Variants in EXOC4 observed in about 807,000 individuals in gnomAD.
The protein encoded by EXOC4 is SEC8-like 1.
EXOC4 carries 71 observed loss-of-function variants against 107.2 expected under a neutral mutation model. The observed-to-expected ratio is 0.66, with a 90% CI of 0.55 to 0.81. EXOC4 has a LOEUF of 0.81. Ranked by LOEUF, EXOC4 falls within the 30% of genes least tolerant of loss-of-function variation. The probability of loss-of-function intolerance (pLI) is 0.00; values close to 1 mark genes in which losing one functional copy is unlikely to be tolerated. For missense variants in EXOC4, 1,108 were observed against 1,189.6 expected (o/e 0.93, Z 1.01); for synonymous variants, 456 against 441.2 (o/e 1.03, Z -0.42).
chr7:134,009,153 C>T lies in EXOC4; in HGVS notation c.2687+1318C>T, dbSNP rs536126609. On this transcript the variant is annotated intron_variant, in intron 17 of 17. Transcript: ENST00000253861. ...CCTGAGTGGATTATTCCGTAAACTC[C>T]CTTATTTTCCAAAGCCTTTATGGCT... is the stretch of plus-strand genomic sequence containing the variant. 2.6e-5 allele frequency among the ~76,000 whole-genome samples: 4 copies of T among 152,174 alleles called. No individual in the cohort carries two copies. The South Asian group carries it at 8.3e-4, about 32-fold the overall frequency.
chr7:133,424,228 T>C (rs1280747022), intron 7 of EXOC4, among the ~76,000 whole-genome samples: 1 of 152,122 alleles, frequency 6.6e-6, no homozygotes, highest in Non-Finnish European at 1.5e-5. Context: ...TGCTCACTCT[T>C]TGGGTGCCTG....
intron 9 of EXOC4, chr7:133,484,076 A>C (rs1799219374): frequency 6.2e-7 from 1 of 1,613,978 alleles, no homozygotes; most frequent in African/African-American, 1.3e-5. Context: ...AGACAATCAA[A>C]GTAACATTAA....
intron 12 of EXOC4, among the ~76,000 whole-genome samples, chr7:133,898,603 C>T (rs1799375817): frequency 6.6e-6 from 1 of 151,700 alleles, no homozygotes; most frequent in African/African-American, 2.4e-5. Flanking sequence ...AAAAATTAGC[C>T]GGGCGTGGTG....
intron 9 of EXOC4, among the ~76,000 whole-genome samples, chr7:133,594,922 A>C (rs1305088427): frequency 6.6e-6 from 1 of 152,232 alleles, no homozygotes; most frequent in African/African-American, 2.4e-5. Context: ...GGGACAGAGT[A>C]ATGATGGTAG....
chr7:133,581,773 A>G (rs1206657856), intron 9 of EXOC4, among the ~76,000 whole-genome samples: 2 of 151,548 alleles, frequency 1.3e-5, no homozygotes, highest in African/African-American at 2.4e-5. Context: ...AAAAAAAAAA[A>G]AAAAAAGAAT....
intron 9 of EXOC4, among the ~76,000 whole-genome samples, chr7:133,576,170 C>A (rs1342297955): frequency 2.0e-5 from 3 of 152,138 alleles, no homozygotes; most frequent in African/African-American, 7.2e-5. Context: ...CCCCCAACCC[C>A]CGTTATGTAT....
chr7:133,996,348 T>C (rs7792010), intron 14 of EXOC4, among the ~76,000 whole-genome samples: 50,484 of 152,026 alleles, frequency 0.33, 8,750 homozygotes, highest in African/African-American at 0.41. Context: ...AGCCAAACTT[T>C]GAGGCTCTAG....
At chr7:133,817,788 C>T (rs879224604) in intron 11 of EXOC4, among the ~76,000 whole-genome samples, 1 of 151,706 alleles carries the variant, frequency 6.6e-6, no homozygotes, top group South Asian at 2.1e-4. Context: ...TGGTGAATCT[C>T]ATTAACATGC....
chr7:133,748,353 C>G (rs1562981294), intron 10 of EXOC4, among the ~76,000 whole-genome samples: 1 of 152,074 alleles, frequency 6.6e-6, no homozygotes, highest in African/African-American at 2.4e-5. Flanking sequence ...CACACTGTAT[C>G]AGTAATCTAG....
At chr7:133,675,710 A>G (rs1295095848) in intron 10 of EXOC4, among the ~76,000 whole-genome samples, 1 of 152,148 alleles carries the variant, frequency 6.6e-6, no homozygotes, top group Non-Finnish European at 1.5e-5. Flanking sequence ...CCCTCACTAC[A>G]TCTCCAGATA....
rs573361132 is a variant in EXOC4 at position 133,798,213 on chromosome 7, G to A, written c.1515-19112G>A. ...CTCAACATTTCTTATTTGTAAGTTA[G>A]GGAATACTGAAAATATGCATGCAAA... On this transcript the variant is annotated intron_variant, in intron 10 of 17. Transcript: ENST00000253861. Among the ~76,000 whole-genome samples the A allele has an allele frequency of 1.4e-3, 214 of 152,030 alleles. 6 individuals carry two copies. The South Asian group carries it at 0.04, about 28-fold the overall frequency.
chr7:134,082,131 A>G, the EXOC4 span, among the ~76,000 whole-genome samples: 2 of 152,222 alleles, frequency 1.3e-5, no homozygotes, highest in African/African-American at 4.8e-5. Context: ...AAAGGAATAA[A>G]ATAATGGCTA....
At chr7:133,423,224 TC>T (rs534841841) in intron 7 of EXOC4, among the ~76,000 whole-genome samples, 228 of 696 alleles carry the variant, frequency 0.33, 17 homozygotes, top group Middle Eastern at 0.5. Context: ...AGACTCCGTC[TC>T]CAAAAAAAAA....
intron 9 of EXOC4, among the ~76,000 whole-genome samples, chr7:133,508,327 AGGTCTGAGATGG>A (rs1177956896): frequency 6.6e-6 from 1 of 152,148 alleles, no homozygotes; most frequent in Non-Finnish European, 1.5e-5. Context: ...CTGACTCAGT[AGGTCTGAGATGG>A]GGTCTGAAAA....
chr7:133,627,464 A>G (rs573978987), intron 9 of EXOC4, among the ~76,000 whole-genome samples: 4 of 152,204 alleles, frequency 2.6e-5, no homozygotes, highest in Admixed American at 6.5e-5. Flanking sequence ...AGACATGTTC[A>G]TATTGAGTCG....
At chr7:133,389,218 A>G (rs1796796193) in intron 7 of EXOC4, among the ~76,000 whole-genome samples, 1 of 152,158 alleles carries the variant, frequency 6.6e-6, no homozygotes, top group Non-Finnish European at 1.5e-5. Context: ...GAAAGGCAAT[A>G]GAGATGAGAG....
intron 17 of EXOC4, among the ~76,000 whole-genome samples, chr7:134,044,423 A>G (rs1795596265): frequency 1.3e-5 from 2 of 152,174 alleles, no homozygotes; most frequent in South Asian, 2.1e-4. Context: ...AGGATTTGTA[A>G]AAAACTAGGT....
chr7:133,926,694 A>T (rs1800060780), intron 13 of EXOC4, among the ~76,000 whole-genome samples: 1 of 152,364 alleles, frequency 6.6e-6, no homozygotes, highest in African/African-American at 2.4e-5. Context: ...CATAAAAATG[A>T]TATAAAATAA....
intron 7 of EXOC4, among the ~76,000 whole-genome samples, chr7:133,474,394 C>G (rs769010825): frequency 6.6e-6 from 1 of 152,052 alleles, no homozygotes; most frequent in Non-Finnish European, 1.5e-5. Flanking sequence ...CGGCTCACTG[C>G]AACCTCTGGT....
Sources: gnomAD v4.1 joint callset for allele counts (sites outside exome capture counted in the v4.1 genomes callset) on GRCh38, gnomAD v4.1.1 for gene constraint, MANE v1.5 for transcripts, NCBI Gene and HGNC (gene_info 2026-07-23, HGNC 2026-07-21) for gene names.